IKZF4: variants seen among roughly 807,000 people sequenced by gnomAD.
IKZF4 encodes IKAROS family zinc finger 4, also known as zinc finger protein Eos.
A neutral mutation model predicts 47.7 loss-of-function variants in IKZF4; 11 were observed. The observed-to-expected ratio is 0.23, with a 90% CI of 0.15 to 0.38. The LOEUF (loss-of-function observed/expected upper bound fraction) is 0.38. Ranked by LOEUF, IKZF4 falls within the 10% of genes least tolerant of loss-of-function variation. The pLI, the probability that IKZF4 is intolerant of heterozygous loss-of-function variation, is 1.00. For missense variants in IKZF4, 557 were observed against 784.9 expected, an observed-to-expected ratio of 0.71 and a Z score of 3.47; for synonymous variants, 298 against 299.4, an observed-to-expected ratio of 1.00 and a Z score of 0.05.
In IKZF4 at chr12:56,036,499, TG is replaced by T. The variant is rs1330732870; in HGVS notation, c.*1171del. The T allele has an allele frequency of 6.6e-6, 1 of 152,220 alleles. No individual in the cohort carries two copies. The highest frequency in any genetic ancestry group is 2.4e-5 in the African/African-American group (1 of 41,454). 9.4% of individuals were successfully genotyped at this position (152,220 alleles called of 1,614,324 possible). On this transcript the variant is annotated 3_prime_UTR_variant, in exon 8 of 8. Coordinates refer to ENST00000547167, the MANE Select transcript of IKZF4 (RefSeq NM_022465.4). ...ATTCACCCTCTCATTCCCGGGCTCC[TG>T]GGCCCTGTTCTTAGGATCAGTGGCA...
intron 5 of IKZF4, chr12:56,029,570 C>T (rs1319898670): frequency 6.6e-6 from 1 of 152,262 alleles, no homozygotes; most frequent in Non-Finnish European, 1.5e-5. Context: ...TCTCCATCCA[C>T]TTACCTTGTT....
At chr12:56,014,033 C>T in intron 2 of IKZF4, among the ~76,000 whole-genome samples, 1 of 152,084 alleles carries the variant, frequency 6.6e-6, no homozygotes, top group East Asian at 1.9e-4. Context: ...CGCCTGTAAT[C>T]CTAGCTATTC....
At chr12:56,030,191 G>A (rs1224637946) in intron 5 of IKZF4, among the ~76,000 whole-genome samples, 3 of 151,416 alleles carry the variant, frequency 2.0e-5, no homozygotes, top group African/African-American at 7.3e-5. Flanking sequence ...CAAGGCGGGT[G>A]GATCGCTTGA....
At chr12:56,012,272 C>CTTT (rs1227746530) in intron 2 of IKZF4, among the ~76,000 whole-genome samples, 3 of 134,890 alleles carry the variant, frequency 2.2e-5, no homozygotes, top group South Asian at 2.3e-4. Flanking sequence ...TGTTAAATGA[C>CTTT]TTTTTTTTTT....
Position 56,026,843 on chromosome 12 carries a change from GA to G in IKZF4, c.350del (p.Glu117GlyfsTer10), listed in dbSNP as rs762035745. The G allele has an allele frequency of 9.3e-6, 15 of 1,612,090 alleles. No homozygotes were observed. The highest frequency in any genetic ancestry group is 1.2e-5 in the Non-Finnish European group (14 of 1,179,222). ...EESSRLLGPDERLLEKDDSVI... is the reference protein window; with the variant it reads ...EESSRLLGPDXRLLEKDDSVI... ...GTCAAGCAGACTGCTGGGGCCAGAT[GA>G]GCGGCTCCTGGAAAAGGACGACAGC... On this transcript the variant is annotated frameshift_variant, in exon 4 of 8. Transcript: ENST00000547167. LOFTEE classifies it high-confidence loss of function.
At chr12:56,030,434 GAA>G (rs769748334) in intron 5 of IKZF4, among the ~76,000 whole-genome samples, 2 of 129,654 alleles carry the variant, frequency 1.5e-5, no homozygotes, top group Non-Finnish European at 3.3e-5. Flanking sequence ...CCATCTTGGG[GAA>G]AAAAAAAAAA....
upstream of IKZF4, among the ~76,000 whole-genome samples, chr12:56,016,519 T>C (rs1281164289): frequency 6.6e-6 from 1 of 150,476 alleles, no homozygotes; most frequent in Admixed American, 6.7e-5. Flanking sequence ...CCTCCCAGGC[T>C]CAAGCGATTC....
intron 2 of IKZF4, among the ~76,000 whole-genome samples, chr12:56,015,169 C>T (rs1386038745): frequency 2.6e-5 from 4 of 152,120 alleles, no homozygotes; most frequent in South Asian, 2.1e-4. Context: ...CTCTGTCTCC[C>T]GGGTTCAAGC....
chr12:56,027,684 C>A, intron 4 of IKZF4, 96 bp from the exon 5 acceptor site: 1 of 1,292,376 alleles, frequency 7.7e-7, no homozygotes, highest in Non-Finnish European at 1.1e-6. Flanking sequence ...TTCAGAGCAC[C>A]TTCCCTTGGG....
intron 2 of IKZF4, 143 bp from the exon 3 acceptor site, chr12:56,024,911 G>C (rs1004022860): frequency 2.0e-6 from 3 of 1,506,204 alleles, no homozygotes; most frequent in Non-Finnish European, 1.8e-6. Flanking sequence ...ACAAGGTATG[G>C]TGCCCAGCAT....
chr12:56,038,250 C>A lies in IKZF4; in HGVS notation c.*2919C>A, dbSNP rs560533387. ...CTCTCTTCTTCTGATTCCCCTCCCC[C>A]CCTTTTTTAAAGAGTTTTTCTCCTT... On this transcript the variant is annotated 3_prime_UTR_variant, in exon 8 of 8. Coordinates refer to ENST00000547167, the MANE Select transcript of IKZF4 (RefSeq NM_022465.4). The A allele has an allele frequency of 2.6e-5, 4 of 152,430 alleles. No homozygotes were observed. The highest frequency in any genetic ancestry group is 4.8e-5 in the African/African-American group (2 of 41,392). 9.4% of individuals were successfully genotyped at this position (152,430 alleles called of 1,614,324 possible).
At chr12:56,022,854 C>T (rs1893278402) in intron 1 of IKZF4, among the ~76,000 whole-genome samples, 1 of 144,052 alleles carries the variant, frequency 6.9e-6, no homozygotes, top group African/African-American at 2.6e-5. Context: ...GGCTGGAGTG[C>T]AGTGGCGCGA....
At position 56,037,450 on chromosome 12, in the gene IKZF4, C is replaced by T. The variant is rs1340233974; in HGVS notation, c.*2119C>T. 2.0e-5 allele frequency: 3 copies of T among 152,380 alleles called. No individual in the cohort carries two copies. Among genetic ancestry groups the T allele is most frequent in the Non-Finnish European group, 4.4e-5 (3 of 68,028 alleles). The allele number at this position is 152,380 out of a possible 1,614,324, so 9.4% of individuals were successfully genotyped here. A position where few individuals can be genotyped will look rare whatever the true frequency, so the allele number is the denominator to read the frequency against. ...GATTAATATCTGGGCTTTTCCTGAA[C>T]TATTCTGGTTATTGAGCCCTTCCTG... is the stretch of plus-strand genomic sequence containing the variant. On this transcript the variant is annotated 3_prime_UTR_variant, in exon 8 of 8. Coordinates refer to ENST00000547167, the MANE Select transcript of IKZF4 (RefSeq NM_022465.4).
At chr12:56,016,539 A>G (rs1213768235), upstream of IKZF4, among the ~76,000 whole-genome samples, 1 of 148,684 alleles carries the variant, frequency 6.7e-6, no homozygotes, top group Non-Finnish European at 1.5e-5. Flanking sequence ...CTCCTGCCTC[A>G]GCCTCCCAAG....
At chr12:56,033,898 T>C (rs1020163549) in intron 7 of IKZF4, among the ~76,000 whole-genome samples, 4 of 150,912 alleles carry the variant, frequency 2.7e-5, no homozygotes, top group African/African-American at 9.7e-5. Context: ...TCTCAGTTTT[T>C]TGTTTGTTTG....
chr12:56,031,982 C>G (rs1894982271), intron 5 of IKZF4, among the ~76,000 whole-genome samples: 1 of 152,048 alleles, frequency 6.6e-6, no homozygotes, highest in South Asian at 2.1e-4. Flanking sequence ...ATCAGTAAAC[C>G]AGGCTAGGGC....
At position 56,026,937 on chromosome 12, in the gene IKZF4, C is replaced by T; in HGVS notation, c.443C>T (p.Ser148Phe). 6.2e-7 allele frequency: 1 copy of T among 1,612,366 alleles called. No homozygotes were observed. Among genetic ancestry groups the T allele is most frequent in the Non-Finnish European group, 8.5e-7 (1 of 1,179,136 alleles). The stretch of plus-strand genomic sequence containing the variant: ...GATGGGAGTGGGCCAGAGCCTCACT[C>T]CCCTGGGGGCATCCGGCTGCCCAAT... ...YCDGSGPEPH[S>F]PGGIRLPNGK... The change falls in exon 4 of 8, where the codon TCC becomes TTC. Residue 148 changes from serine to phenylalanine, a missense_variant. Transcript: ENST00000547167.
At chr12:56,015,773 T>C (rs960288844) in intron 2 of IKZF4, among the ~76,000 whole-genome samples, 1 of 152,166 alleles carries the variant, frequency 6.6e-6, no homozygotes, top group African/African-American at 2.4e-5. Flanking sequence ...GGCCCCTCAA[T>C]ACCAGACTGC....
intron 5 of IKZF4, among the ~76,000 whole-genome samples, chr12:56,030,290 TGTGG>T (rs1894713789): frequency 6.7e-6 from 1 of 149,910 alleles, no homozygotes; most frequent in Admixed American, 6.6e-5. Context: ...AAAAACTAGG[TGTGG>T]TGGCACACAC....
Sources: allele counts gnomAD v4.1 joint callset (sites outside exome capture counted in the v4.1 genomes callset), GRCh38; gene constraint gnomAD v4.1.1; transcripts MANE v1.5; gene names NCBI Gene and HGNC (gene_info 2026-07-23, HGNC 2026-07-21).